KIF1C: variants seen among roughly 807,000 people sequenced by gnomAD.
KIF1C encodes the protein kinesin family member 1C.
In KIF1C, 61 loss-of-function variants were observed where a neutral mutation model predicts 126.5. The ratio of observed to expected loss-of-function variants is 0.48; its 90% CI spans 0.39 to 0.60. The LOEUF (loss-of-function observed/expected upper bound fraction) is 0.60. Among genes scored for constraint, KIF1C ranks in the 20% least tolerant of loss-of-function variants. The pLI is 0.00. For missense variants in KIF1C, 1,315 were observed against 1,489.2 expected, an observed-to-expected ratio of 0.88 and a Z score of 1.93; for synonymous variants, 640 against 580.6, an observed-to-expected ratio of 1.10 and a Z score of -1.47.
chr17:5,000,628 G>T, intron 3 of KIF1C, 144 bp from the exon 4 acceptor site: 2 of 796,348 alleles, frequency 2.5e-6, no homozygotes, highest in Non-Finnish European at 4.2e-6. Context: ...GGCTGGAGGG[G>T]GTGGGGAATG....
chr17:5,016,219 C>T (rs1362297691), intron 18 of KIF1C, among the ~76,000 whole-genome samples: 1 of 151,354 alleles, frequency 6.6e-6, no homozygotes, highest in Non-Finnish European at 1.5e-5. Flanking sequence ...CTCACTGCAA[C>T]CTCTGCCTCC....
At chr17:5,007,667 A>T in intron 16 of KIF1C, 125 bp downstream of exon 16, 1 of 673,188 alleles carries the variant, frequency 1.5e-6, no homozygotes, top group Non-Finnish European at 2.4e-6. Context: ...TTGTCCCTCC[A>T]TCATTTCTGT....
rs1276940515 is a variant in KIF1C at position 5,024,746 on chromosome 17, T to TCAAACCC, written c.*595_*596insCAAACCC. 6.5e-6 allele frequency: 1 copy of TCAAACCC among 153,018 alleles called. No homozygotes were observed. The highest frequency in any genetic ancestry group is 1.5e-5 in the Non-Finnish European group (1 of 68,368). The allele number at this position is 153,018 out of a possible 1,614,324, so 9.5% of individuals were successfully genotyped here. On this transcript the variant is annotated 3_prime_UTR_variant, in exon 23 of 23. Coordinates refer to ENST00000320785, the MANE Select transcript of KIF1C (RefSeq NM_006612.6). Reference sequence around the variant, plus strand: ...TTTGGGTTTTCATGGAGGTGTAGGTTATATAAGGCAATGGCACAGGTCTTA... The same window carrying TCAAACCC: ...TTTGGGTTTTCATGGAGGTGTAGGTTCAAACCCATATAAGGCAATGGCACAGGTCTTA...
intron 21 of KIF1C, 147 bp from the exon 22 acceptor site, chr17:5,021,945 C>G: frequency 4.7e-6 from 4 of 847,456 alleles, no homozygotes; most frequent in Non-Finnish European, 7.4e-6. Flanking sequence ...AGCAGTCTGC[C>G]CAAGGGTGCG....
chr17:4,998,770 C>G (rs1384419544), intron 1 of KIF1C, among the ~76,000 whole-genome samples: 1 of 152,106 alleles, frequency 6.6e-6, no homozygotes, highest in African/African-American at 2.4e-5. Context: ...CCCAGCGTGA[C>G]AGGAGTTTGG....
rs1450474066 is a variant in KIF1C at position 5,028,076 on chromosome 17, CCT to C, written c.*3929_*3930del. On this transcript the variant is annotated 3_prime_UTR_variant, in exon 23 of 23. Transcript: ENST00000320785. Reference sequence around the variant, plus strand: ...ATGAACTTGCGTCTAGTTTCTGTTCCCTCTCAAATTGCCCAGGCTGTCCTGTG... The same window carrying C: ...ATGAACTTGCGTCTAGTTTCTGTTCCCTCAAATTGCCCAGGCTGTCCTGTG... The C allele has an allele frequency of 6.6e-6, 1 of 152,150 alleles. No homozygotes were observed. The highest frequency in any genetic ancestry group is 6.6e-5 in the Admixed American group (1 of 15,264). The allele number at this position is 152,150 out of a possible 1,614,324, so 9.4% of individuals were successfully genotyped here.
intron 18 of KIF1C, among the ~76,000 whole-genome samples, chr17:5,015,133 A>T (rs1272245345): frequency 6.6e-6 from 1 of 152,218 alleles, no homozygotes; most frequent in Non-Finnish European, 1.5e-5. Context: ...GCTGAAGAGA[A>T]GATCCTGCCC....
Position 5,023,960 on chromosome 17 carries a change from CG to C in KIF1C, c.3125del (p.Gly1042GlufsTer46). On this transcript the variant is annotated frameshift_variant, in exon 23 of 23. Coordinates refer to ENST00000320785, the MANE Select transcript of KIF1C (RefSeq NM_006612.6). LOFTEE classifies it high-confidence loss of function. This position sits in a 1 kb window ranked among gnomAD's most constrained non-coding sequence, Gnocchi z 4.2. ...RNSLDGGGRS[R>X]GAGSAQPEPQ... ...CTCCCTGGATGGAGGGGGCCGATCC[CG>C]GGGAGCGGGTTCTGCACAGCCTGAA... 1.9e-6 allele frequency: 3 copies of C among 1,579,044 alleles called. No homozygotes were observed. The highest frequency in any genetic ancestry group is 2.6e-6 in the Non-Finnish European group (3 of 1,161,910).
chr17:5,006,389 T>G (rs1974735396), intron 13 of KIF1C, among the ~76,000 whole-genome samples: 1 of 151,144 alleles, frequency 6.6e-6, no homozygotes, highest in Non-Finnish European at 1.5e-5. Context: ...CAGGCTGGAG[T>G]GCAATGGCGT....
In KIF1C at chr17:5,000,806, C is replaced by T. The variant is rs770122689; in HGVS notation, c.141C>T (p.Pro47=). ...IINPKQSKDA[P]KSFTFDYSYW... Reference sequence around the variant, plus strand: ...ATCCTAAACAGAGCAAGGATGCCCCCAAAAGCTTCACCTTTGACTACTCCT... The same window carrying T: ...ATCCTAAACAGAGCAAGGATGCCCCTAAAAGCTTCACCTTTGACTACTCCT... Residue 47 remains proline (P), a synonymous_variant, in exon 4 of 23, where the codon CCC becomes CCT. Coordinates refer to ENST00000320785, the MANE Select transcript of KIF1C (RefSeq NM_006612.6). 6.2e-7 allele frequency: 1 copy of T among 1,613,962 alleles called. No homozygotes were observed. The highest frequency in any genetic ancestry group is 8.5e-7 in the Non-Finnish European group (1 of 1,179,982).
Position 5,001,390 on chromosome 17 carries a change from A to C in KIF1C, c.352A>C (p.Ile118Leu), listed in dbSNP as rs757847238. 1.9e-5 allele frequency: 30 copies of C among 1,613,950 alleles called. No individual in the cohort carries two copies. The Middle Eastern group carries it at 6.6e-4, about 36-fold the overall frequency. ...GCGACAGGAGCCAGGGCAGCAGGGC[A>C]TCGTGCCCCAGGTACGCCTAGGACC... ...MGRQEPGQQG[I>L]VPQLCEDLFS... is the part of the protein sequence containing the mutation. The change falls in exon 5 of 23, where the codon ATC becomes CTC. Residue 118 changes from isoleucine to leucine, a missense_variant. By Grantham distance (5) the Ile-to-Leu change is conservative (BLOSUM62 2). Coordinates refer to ENST00000320785, the MANE Select transcript of KIF1C (RefSeq NM_006612.6).
In KIF1C at chr17:5,023,820, T is replaced by TG; in HGVS notation, c.2985dup (p.Ser996GlufsTer12). On this transcript the variant is annotated frameshift_variant, in exon 23 of 23. Coordinates refer to ENST00000320785, the MANE Select transcript of KIF1C (RefSeq NM_006612.6). LOFTEE classifies it high-confidence loss of function. The surrounding 1 kb of genome is among the most constrained non-coding windows in gnomAD (Gnocchi z 4.2). The stretch of plus-strand genomic sequence containing the variant: ...CAGCACCGGGAGTCTTGGCCAGGGA[T>TG]GGGGAGCGGGGAGGCTCCAACTCCG... The TG allele has an allele frequency of 6.6e-7, 1 of 1,518,182 alleles. No individual in the cohort carries two copies. Among genetic ancestry groups the TG allele is most frequent in the Non-Finnish European group, 8.8e-7 (1 of 1,134,628 alleles). The allele number at this position is 1,518,182 out of a possible 1,614,324, so 94.0% of individuals were successfully genotyped here. A position where few individuals can be genotyped will look rare whatever the true frequency, so the allele number is the denominator to read the frequency against.
intron 13 of KIF1C, among the ~76,000 whole-genome samples, chr17:5,005,255 G>C (rs1346086023): frequency 2.0e-5 from 3 of 152,252 alleles, no homozygotes; most frequent in Non-Finnish European, 4.4e-5. Flanking sequence ...TGAAATGACT[G>C]TTACAGGAAA....
intron 13 of KIF1C, 110 bp from the exon 14 acceptor site, chr17:5,006,805 T>C: frequency 8.8e-7 from 1 of 1,134,160 alleles, no homozygotes; most frequent in Non-Finnish European, 1.3e-6. Context: ...ACCAGCAGTC[T>C]TCTGTAGTCC....
At chr17:5,004,104 CCT>C (rs771607349) in intron 11 of KIF1C, 31 bp downstream of exon 11, 1 of 1,414,974 alleles carries the variant, frequency 7.1e-7, no homozygotes, top group African/African-American at 1.4e-5. Flanking sequence ...CTCTGCCGAC[CCT>C]GACACATCCC....
rs1597860473 is a variant in KIF1C at position 5,018,643 on chromosome 17, G to A, written c.1667-1353G>A. 4.6e-5 allele frequency among the ~76,000 whole-genome samples: 7 copies of A among 151,132 alleles called. 1 individual carries two copies. The South Asian group carries it at 1.5e-3, about 32-fold the overall frequency. On this transcript the variant is annotated intron_variant, in intron 18 of 22. Coordinates refer to ENST00000320785, the MANE Select transcript of KIF1C (RefSeq NM_006612.6). ...GGAGAGGTTGCAGTGAGCTGAGATC[G>A]CACCATTGCACTCCAGCCTCCAACA...
In KIF1C at chr17:5,020,927, A is replaced by G. The variant is rs1975077009; in HGVS notation, c.2010+49A>G. ...ATGGGCTGATGGGCAGATGAGCCGCAAGCCTGAGTCCGAGTGCAGTGCTCA... is the reference window on the plus strand; with the variant it reads ...ATGGGCTGATGGGCAGATGAGCCGCGAGCCTGAGTCCGAGTGCAGTGCTCA... On this transcript the variant is annotated intron_variant, in intron 21 of 22. Coordinates refer to ENST00000320785, the MANE Select transcript of KIF1C (RefSeq NM_006612.6). The surrounding 1 kb of genome is among the most constrained non-coding windows in gnomAD (Gnocchi z 5.8). The G allele has an allele frequency of 6.7e-7, 1 of 1,500,208 alleles. No homozygotes were observed. The highest frequency in any genetic ancestry group is 1.4e-5 in the African/African-American group (1 of 72,104). 92.9% of individuals were successfully genotyped at this position (1,500,208 alleles called of 1,614,324 possible).
chr17:5,027,365 GGT>G lies in KIF1C; in HGVS notation c.*3216_*3217del. 1 of 152,152 alleles carries G rather than the reference GGT, an allele frequency of 6.6e-6. No homozygotes were observed. The highest frequency in any genetic ancestry group is 1.5e-5 in the Non-Finnish European group (1 of 68,028). 9.4% of individuals were successfully genotyped at this position (152,152 alleles called of 1,614,324 possible). On this transcript the variant is annotated 3_prime_UTR_variant, in exon 23 of 23. Coordinates refer to ENST00000320785, the MANE Select transcript of KIF1C (RefSeq NM_006612.6). The stretch of plus-strand genomic sequence containing the variant: ...AGCTGGTTTCGAATTCCTGACCTCA[GGT>G]GATCCACCCGCCTCTGCCTCCCAAA...
intron 13 of KIF1C, among the ~76,000 whole-genome samples, chr17:5,005,899 G>A (rs1974719205): frequency 1.3e-5 from 2 of 151,258 alleles, no homozygotes; most frequent in African/African-American, 2.4e-5. Flanking sequence ...GCTAATTTTT[G>A]TATTTTTAGT....
Sources: allele counts gnomAD v4.1 joint callset (sites outside exome capture counted in the v4.1 genomes callset), GRCh38; gene constraint gnomAD v4.1.1; non-coding constraint Gnocchi (gnomAD v3.1); transcripts MANE v1.5; gene names NCBI Gene and HGNC (gene_info 2026-07-23, HGNC 2026-07-21).